Variants in IFT80 observed in about 807,000 individuals in gnomAD.
The protein encoded by IFT80 is intraflagellar transport 80.
IFT80 carries 79 observed loss-of-function variants against 107.9 expected under a neutral mutation model. The observed-to-expected ratio is 0.73, with a 90% CI of 0.61 to 0.88. IFT80 has a LOEUF of 0.88. Among genes scored for constraint, IFT80 ranks in the 40% least tolerant of loss-of-function variants. The pLI, the probability that IFT80 is intolerant of heterozygous loss-of-function variation, is 0.00. For synonymous variants in IFT80, 299 were observed against 300.9 expected (o/e 0.99, Z 0.07); for missense variants, 797 against 914.2 (o/e 0.87, Z 1.65).
At position 160,263,957 on chromosome 3, in the gene IFT80, C is replaced by A. The variant is rs189757513; in HGVS notation, c.2223+4456G>T. On this transcript the variant is annotated intron_variant, in intron 19 of 19. Coordinates refer to ENST00000326448, the MANE Select transcript of IFT80 (RefSeq NM_020800.3). ...AAGTGCTGGGATTACAGGCGTGAGC[C>A]ACTGCGTCCAGCCTATTTATTTTTA... Among the ~76,000 whole-genome samples the A allele has an allele frequency of 3.9e-3, 589 of 152,290 alleles. 6 individuals carry two copies. Among genetic ancestry groups the A allele is most frequent in the Non-Finnish European group, 5.7e-3 (388 of 68,028 alleles).
chr3:160,333,476 G>A (rs934459208), intron 8 of IFT80, among the ~76,000 whole-genome samples: 27 of 152,028 alleles, frequency 1.8e-4, no homozygotes, highest in Non-Finnish European at 8.8e-5. Context: ...TGTGACAGCT[G>A]TACAAATATA....
intron 5 of IFT80, among the ~76,000 whole-genome samples, chr3:160,371,067 CCTT>C (rs1251970274): frequency 6.6e-6 from 1 of 152,132 alleles, no homozygotes; most frequent in Admixed American, 6.6e-5. Flanking sequence ...ATGCCAAACC[CCTT>C]CTTTTAACAT....
At chr3:160,361,329 T>A (rs898002709) in intron 6 of IFT80, among the ~76,000 whole-genome samples, 5 of 152,162 alleles carry the variant, frequency 3.3e-5, no homozygotes, top group African/African-American at 1.2e-4. Context: ...GAGCTAACTA[T>A]CCTAAATACA....
chr3:160,267,029 T>G (rs1713387455), intron 19 of IFT80, among the ~76,000 whole-genome samples: 1 of 152,070 alleles, frequency 6.6e-6, no homozygotes, highest in African/African-American at 2.4e-5. Context: ...CTAAGCAGGT[T>G]CCAAATGAAA....
chr3:160,280,668 T>C lies in IFT80; in HGVS notation c.1663A>G (p.Ser555Gly), dbSNP rs1221619970. Residue 555 changes from serine to glycine, a missense_variant and splice_region_variant, in exon 15 of 20, where the codon AGT (serine) becomes GGT (glycine). Ser to Gly is a moderately conservative substitution (Grantham distance 56). Transcript: ENST00000326448. ...GAATTATACGCAGTAAAATGTTACC[T>C]TGCATCCCTTTCATATAATGTTTTA... ...LPKTLYERDA[S>G]EFSKNPHIVS... 6.2e-7 allele frequency: 1 copy of C among 1,610,842 alleles called. No individual in the cohort carries two copies. The highest frequency in any genetic ancestry group is 2.2e-5 in the East Asian group (1 of 44,754).
At chr3:160,359,858 A>C (rs535472194) in intron 6 of IFT80, among the ~76,000 whole-genome samples, 1 of 152,354 alleles carries the variant, frequency 6.6e-6, no homozygotes, top group East Asian at 1.9e-4. Context: ...GGTCACCAAC[A>C]TCAAAGACCA....
chr3:160,326,858 T>C (rs1257918568), intron 8 of IFT80, among the ~76,000 whole-genome samples: 2 of 152,010 alleles, frequency 1.3e-5, no homozygotes, highest in Admixed American at 6.6e-5. Flanking sequence ...GGTACTCAGA[T>C]AGGAAGACAG....
chr3:160,287,416 T>C (rs1458265678), intron 12 of IFT80, among the ~76,000 whole-genome samples: 1 of 152,160 alleles, frequency 6.6e-6, no homozygotes, highest in Non-Finnish European at 1.5e-5. Context: ...TAAGCTTTGG[T>C]GTCTACATTA....
At chr3:160,344,451 G>A (rs1238515133) in intron 8 of IFT80, among the ~76,000 whole-genome samples, 4 of 152,210 alleles carry the variant, frequency 2.6e-5, no homozygotes, top group East Asian at 1.9e-4. Context: ...AGTCAAAATG[G>A]ATTAAAGTCT....
chr3:160,286,921 T>G (rs1715136475), intron 12 of IFT80, among the ~76,000 whole-genome samples: 1 of 151,976 alleles, frequency 6.6e-6, no homozygotes. Flanking sequence ...AGGAGACTCT[T>G]GGTGGGCCCC....
intron 8 of IFT80, among the ~76,000 whole-genome samples, chr3:160,336,423 T>A (rs1719466081): frequency 6.6e-6 from 1 of 152,198 alleles, no homozygotes; most frequent in Non-Finnish European, 1.5e-5. Flanking sequence ...TATAATTATG[T>A]AAAATATTTA....
At chr3:160,286,387 T>C (rs575979447) in intron 12 of IFT80, among the ~76,000 whole-genome samples, 1 of 152,036 alleles carries the variant, frequency 6.6e-6, no homozygotes, top group South Asian at 2.1e-4. Context: ...TTAAGGGAAA[T>C]GGAGATGGGG....
intron 18 of IFT80, among the ~76,000 whole-genome samples, chr3:160,277,024 C>T (rs1219432198): frequency 1.3e-5 from 2 of 152,124 alleles, no homozygotes; most frequent in African/African-American, 2.4e-5. Context: ...AATATCTTCC[C>T]TATCAAATCT....
intron 1 of IFT80, 27 bp from the exon 2 acceptor site, chr3:160,384,673 T>A: frequency 6.5e-7 from 1 of 1,542,918 alleles, no homozygotes; most frequent in Admixed American, 1.8e-5. Context: ...AGAGAAAATA[T>A]AAAGTCAGCA....
chr3:160,368,435 T>C (rs1461975748), intron 5 of IFT80, among the ~76,000 whole-genome samples: 1 of 151,322 alleles, frequency 6.6e-6, no homozygotes, highest in African/African-American at 2.4e-5. Context: ...ATATCCTGTT[T>C]AGTCAATGAC....
At chr3:160,375,962 C>G in intron 4 of IFT80, 82 bp from the exon 5 acceptor site, 1 of 837,516 alleles carries the variant, frequency 1.2e-6, no homozygotes, top group South Asian at 1.5e-5. Context: ...TAAGAATCAA[C>G]AGTATCTACC....
In IFT80 at chr3:160,346,731, G is replaced by A. The variant is rs75674484; in HGVS notation, c.777+9282C>T. ...TTATCTCAGTGGTCAGCCAGACAGA[G>A]CCAAAAAGAAAGAAAAAAAATACTC... is the stretch of plus-strand genomic sequence containing the variant. On this transcript the variant is annotated intron_variant, in intron 8 of 19. Coordinates refer to ENST00000326448, the MANE Select transcript of IFT80 (RefSeq NM_020800.3). Among the ~76,000 whole-genome samples the A allele has an allele frequency of 4.4e-3, 673 of 151,442 alleles. 7 individuals are homozygous for A. The highest frequency in any genetic ancestry group is 0.016 in the African/African-American group (648 of 41,258).
chr3:160,292,324 TA>T (rs1168931810), intron 12 of IFT80, among the ~76,000 whole-genome samples: 1 of 152,038 alleles, frequency 6.6e-6, no homozygotes, highest in African/African-American at 2.4e-5. Flanking sequence ...TTCCCCAGAG[TA>T]ATGGTTTGGT....
intron 5 of IFT80, 34 bp from the exon 6 acceptor site, chr3:160,366,186 T>C (rs746117816): frequency 2.8e-6 from 4 of 1,423,618 alleles, no homozygotes; most frequent in Non-Finnish European, 3.0e-6. Context: ...AAAAGGCTGA[T>C]AAACTTTAAT....
Sources: allele counts gnomAD v4.1 joint callset (sites outside exome capture counted in the v4.1 genomes callset), GRCh38; gene constraint gnomAD v4.1.1; transcripts MANE v1.5; gene names NCBI Gene and HGNC (gene_info 2026-07-23, HGNC 2026-07-21).